The following PAM variants were observed in gnomAD, a reference collection of about 807,000 sequenced individuals.
The protein encoded by PAM is peptidylglycine alpha-amidating monooxygenase, also known as peptidyl-glycine alpha-amidating monooxygenase.
Under a neutral mutation model 122.1 loss-of-function variants are expected in PAM, and 72 were observed. The observed-to-expected ratio is 0.59, with a 90% CI of 0.49 to 0.72. The LOEUF (loss-of-function observed/expected upper bound fraction) is 0.72. Among genes scored for constraint, PAM ranks in the 30% least tolerant of loss-of-function variants. PAM has a pLI of 0.00. For missense variants in PAM, 1,106 were observed against 1,183.7 expected (o/e 0.93, Z 0.96); for synonymous variants, 389 against 404.4 (o/e 0.96, Z 0.46).
intron 14 of PAM, among the ~76,000 whole-genome samples, 167 bp from the exon 15 acceptor site, chr5:102,973,949 G>A (rs879652363): frequency 3.9e-5 from 6 of 151,944 alleles, no homozygotes; most frequent in Non-Finnish European, 5.9e-5. Context: ...GTATTTCATC[G>A]GTCTAGGAAT....
chr5:102,928,592 T>C (rs1373094526), intron 7 of PAM, among the ~76,000 whole-genome samples: 1 of 152,170 alleles, frequency 6.6e-6, no homozygotes, highest in African/African-American at 2.4e-5. Flanking sequence ...CAGTAGATAC[T>C]ATCAGGTCCC....
downstream of PAM, chr5:103,030,522 G>T (rs1405242689): frequency 1.3e-5 from 2 of 152,162 alleles, no homozygotes; most frequent in Non-Finnish European, 2.9e-5. Flanking sequence ...TTTGGAAACG[G>T]TAAGTCTGCT....
Position 103,007,500 on chromosome 5 carries a change from T to G in PAM, c.2058T>G (p.Pro686=). 3 of 1,614,152 alleles carry G rather than the reference T, an allele frequency of 1.9e-6. No homozygotes were observed. Among genetic ancestry groups the G allele is most frequent in the Non-Finnish European group, 2.5e-6 (3 of 1,180,018 alleles). The change falls in exon 20 of 26, where the codon CCT becomes CCG. Residue 686 remains proline (P), a synonymous_variant. Transcript: ENST00000438793. ...SSPLPGQFTV[P]HSLALVPLLG... is the part of the protein sequence containing the mutation. ...CTCTGCCAGGCCAGTTCACTGTTCC[T>G]CACAGCTTGGCTCTTGTGCCTCTTT...
chr5:102,910,654 C>G (rs949240668), intron 4 of PAM, among the ~76,000 whole-genome samples: 1 of 151,784 alleles, frequency 6.6e-6, no homozygotes, highest in Non-Finnish European at 1.5e-5. Flanking sequence ...TTTGCATTCT[C>G]TTGAGGCTGT....
chr5:102,952,721 T>G (rs1759355468), intron 12 of PAM, among the ~76,000 whole-genome samples: 1 of 152,160 alleles, frequency 6.6e-6, no homozygotes. Flanking sequence ...CTCTGTTTTA[T>G]AAAATAATAG....
chr5:102,772,797 AATTTTGGGTTC>A (rs1227884335), intron 1 of PAM, among the ~76,000 whole-genome samples: 1 of 152,110 alleles, frequency 6.6e-6, no homozygotes, highest in Non-Finnish European at 1.5e-5. Context: ...AGTAAACTTC[AATTTTGGGTTC>A]ATCTATAGTT....
chr5:102,811,686 A>G (rs1767950881), intron 1 of PAM, among the ~76,000 whole-genome samples: 1 of 152,220 alleles, frequency 6.6e-6, no homozygotes, highest in Admixed American at 6.5e-5. Context: ...GATTTAATCT[A>G]CATTAAATTC....
At chr5:102,946,298 T>C (rs1190337356) in intron 7 of PAM, among the ~76,000 whole-genome samples, 1 of 152,050 alleles carries the variant, frequency 6.6e-6, no homozygotes, top group Non-Finnish European at 1.5e-5. Context: ...GCTCTTCAGG[T>C]CAAACTGTGG....
chr5:102,897,521 GT>G (rs1796553077), intron 3 of PAM, among the ~76,000 whole-genome samples: 1 of 151,550 alleles, frequency 6.6e-6, no homozygotes. Flanking sequence ...ATTGTTTGGT[GT>G]TTTGGTTATT....
chr5:103,012,457 G>A (rs1209773932), intron 21 of PAM, among the ~76,000 whole-genome samples: 4 of 152,140 alleles, frequency 2.6e-5, no homozygotes, highest in African/African-American at 9.7e-5. Flanking sequence ...GAGAGATAGG[G>A]ATCAAGTATC....
intron 1 of PAM, among the ~76,000 whole-genome samples, chr5:102,843,184 C>G (rs1364975471): frequency 6.6e-6 from 1 of 152,180 alleles, no homozygotes; most frequent in Non-Finnish European, 1.5e-5. Context: ...TGATAAAACA[C>G]TTTAATGTTA....
At position 103,027,521 on chromosome 5, in the gene PAM, G is replaced by A. The variant is rs143987884; in HGVS notation, c.2690-664G>A. On this transcript the variant is annotated intron_variant, in intron 24 of 25. Transcript: ENST00000438793. ...AAAAATGAAACCCATTGGGAGTTCTGTCTCCCCATAAGGAAAGAGAGTCTG... is the reference window on the plus strand; with the variant it reads ...AAAAATGAAACCCATTGGGAGTTCTATCTCCCCATAAGGAAAGAGAGTCTG... Among the ~76,000 whole-genome samples, 194 of 152,258 alleles carry A rather than the reference G, an allele frequency of 1.3e-3. 2 individuals are homozygous for A. Among genetic ancestry groups the A allele is most frequent in the African/African-American group, 4.6e-3 (191 of 41,550 alleles).
chr5:102,961,715 C>T (rs967692651), intron 14 of PAM, among the ~76,000 whole-genome samples: 1 of 151,868 alleles, frequency 6.6e-6, no homozygotes, highest in Non-Finnish European at 1.5e-5. Context: ...TCTTATACAT[C>T]TATAGTTTTG....
chr5:102,871,045 G>T (rs2151003897), intron 3 of PAM, among the ~76,000 whole-genome samples: 1 of 152,262 alleles, frequency 6.6e-6, no homozygotes, highest in Non-Finnish European at 1.5e-5. Context: ...TAATTACAAT[G>T]GTTTTCCATA....
chr5:102,981,990 A>G (rs1359024559), intron 15 of PAM, among the ~76,000 whole-genome samples: 1 of 152,138 alleles, frequency 6.6e-6, no homozygotes. Context: ...TCCCATGGAC[A>G]TACACCATCA....
intron 7 of PAM, among the ~76,000 whole-genome samples, chr5:102,944,373 C>A (rs1037061349): frequency 3.3e-5 from 5 of 151,802 alleles, no homozygotes; most frequent in Non-Finnish European, 7.4e-5. Context: ...TGCCTGTGTA[C>A]CTTTGAGAGA....
At chr5:102,902,716 A>G (rs995369470) in intron 4 of PAM, among the ~76,000 whole-genome samples, 1 of 151,494 alleles carries the variant, frequency 6.6e-6, no homozygotes, top group Non-Finnish European at 1.5e-5. Context: ...GGAATTTCCC[A>G]TGAATTTTTT....
chr5:102,867,215 C>T, intron 2 of PAM, 58 bp from the exon 3 acceptor site: 7 of 1,202,156 alleles, frequency 5.8e-6, no homozygotes, highest in East Asian at 2.4e-5. Flanking sequence ...TTCCCCTTCT[C>T]ATGTTGAGTT....
chr5:103,001,634 T>C (rs778040839), intron 16 of PAM, among the ~76,000 whole-genome samples: 1 of 152,138 alleles, frequency 6.6e-6, no homozygotes, highest in African/African-American at 2.4e-5. Flanking sequence ...AGGAAAACTA[T>C]ACCCAAAAGA....
Sources: allele counts gnomAD v4.1 joint callset (sites outside exome capture counted in the v4.1 genomes callset), GRCh38; gene constraint gnomAD v4.1.1; transcripts MANE v1.5; gene names NCBI Gene and HGNC (gene_info 2026-07-23, HGNC 2026-07-21).